Variants in ALS2 observed in about 807,000 individuals in gnomAD.
ALS2 encodes the protein alsin.
In ALS2, 117 loss-of-function variants were observed where a neutral mutation model predicts 203.4. That is an observed-to-expected ratio of 0.58 (90% CI 0.50 to 0.67). The LOEUF is 0.67. Among genes scored for constraint, ALS2 ranks in the 30% least tolerant of loss-of-function variants. The probability of loss-of-function intolerance (pLI) is 0.00; values close to 1 mark genes in which losing one functional copy is unlikely to be tolerated. For missense variants in ALS2, 1,715 were observed against 1,989.4 expected (o/e 0.86, Z 2.62); for synonymous variants, 718 against 725.9 (o/e 0.99, Z 0.17).
chr2:201,751,684 ACTTT>A (rs1380946598), intron 7 of ALS2, among the ~76,000 whole-genome samples: 2 of 152,162 alleles, frequency 1.3e-5, no homozygotes, highest in African/African-American at 2.4e-5. Flanking sequence ...AACATATCTT[ACTTT>A]CTAATTTCCA....
At chr2:201,721,673 T>A (rs981675448) in intron 23 of ALS2, among the ~76,000 whole-genome samples, 1 of 59,574 alleles carries the variant, frequency 1.7e-5, no homozygotes, top group African/African-American at 8.5e-5. Flanking sequence ...AAAACTTTCA[T>A]TTTTTTTTTA....
chr2:201,770,393 GCA>G (rs1329076093), intron 1 of ALS2, among the ~76,000 whole-genome samples: 1 of 152,036 alleles, frequency 6.6e-6, no homozygotes, highest in Non-Finnish European at 1.5e-5. Flanking sequence ...AGATTTTTGA[GCA>G]CAGTTTTCTT....
intron 29 of ALS2, 48 bp downstream of exon 29, chr2:201,706,798 C>T: frequency 6.2e-6 from 10 of 1,605,636 alleles, no homozygotes; most frequent in Non-Finnish European, 7.7e-6. Flanking sequence ...ATGCAGTTTG[C>T]ATTTTAAATT....
chr2:201,772,850 A>ATTTTTTTTTTTTTTT (rs578253808), intron 1 of ALS2, among the ~76,000 whole-genome samples: 1 of 108,846 alleles, frequency 9.2e-6, no homozygotes, highest in Non-Finnish European at 1.7e-5. Flanking sequence ...TGCTTTCATG[A>ATTTTTTTTTTTTTTT]TTTTTTTTTT....
At chr2:201,766,235 A>C (rs78758860) in intron 3 of ALS2, among the ~76,000 whole-genome samples, 2,569 of 152,356 alleles carry the variant, frequency 0.017, 23 homozygotes, top group Non-Finnish European at 0.027. Flanking sequence ...ATTACCATAA[A>C]ATTTTAAAAC....
intron 12 of ALS2, among the ~76,000 whole-genome samples, chr2:201,738,286 G>C (rs1692012506): frequency 6.6e-6 from 1 of 152,170 alleles, no homozygotes; most frequent in Non-Finnish European, 1.5e-5. Context: ...AATGCAAATA[G>C]GTTGTATCTG....
chr2:201,754,822 G>T, intron 5 of ALS2, 151 bp from the exon 6 acceptor site: 1 of 812,204 alleles, frequency 1.2e-6, no homozygotes, highest in Non-Finnish European at 1.9e-6. Context: ...AAGGGGACCT[G>T]TTAGTCAAAT....
intron 3 of ALS2, among the ~76,000 whole-genome samples, chr2:201,764,383 G>C (rs1213682308): frequency 6.6e-6 from 1 of 152,068 alleles, no homozygotes; most frequent in Non-Finnish European, 1.5e-5. Context: ...TGTAATCCCA[G>C]CACTTTGGGA....
chr2:201,768,830 C>T, intron 2 of ALS2, 36 bp downstream of exon 2: 1 of 1,605,382 alleles, frequency 6.2e-7, no homozygotes, highest in Non-Finnish European at 8.5e-7. Flanking sequence ...CTATGTTTTC[C>T]TAGGAGGATA....
chr2:201,732,109 T>C (rs1202729364), intron 13 of ALS2, among the ~76,000 whole-genome samples: 1 of 152,176 alleles, frequency 6.6e-6, no homozygotes, highest in African/African-American at 2.4e-5. Context: ...CAGCTAAAGC[T>C]AGATCAGTTT....
At chr2:201,772,053 A>C (rs1694412539) in intron 1 of ALS2, among the ~76,000 whole-genome samples, 1 of 152,218 alleles carries the variant, frequency 6.6e-6, no homozygotes, top group Non-Finnish European at 1.5e-5. Flanking sequence ...TTCACTTTAA[A>C]GCATACCACT....
Position 201,726,354 on chromosome 2 carries a change from C to T in ALS2, c.3248+130G>A, listed in dbSNP as rs553573510. 3.1e-5 allele frequency: 26 copies of T among 841,062 alleles called. 1 individual carries two copies. In the South Asian group the frequency reaches 3.4e-4, roughly 11 times the overall value. 52.1% of individuals were successfully genotyped at this position (841,062 alleles called of 1,614,324 possible). A position where few individuals can be genotyped will look rare whatever the true frequency, so the allele number is the denominator to read the frequency against. ...ACTCCTGGCTCTCTTCATGCTCATA[C>T]ATGTGCATTTCTAAAAAATAACAAC... On this transcript the variant is annotated intron_variant, in intron 19 of 33. Coordinates refer to ENST00000264276, the MANE Select transcript of ALS2 (RefSeq NM_020919.4).
rs1692280152 is a variant in ALS2, at chr2:201,741,717, C to G, written c.2308G>C (p.Val770Leu). 6.2e-7 allele frequency: 1 copy of G among 1,614,104 alleles called. No homozygotes were observed. The highest frequency in any genetic ancestry group is 2.2e-5 in the East Asian group (1 of 44,864). Residue 770 changes from valine (V) to leucine (L), a missense_variant, in exon 11 of 34, where the codon GTC becomes CTC. Coordinates refer to ENST00000264276, the MANE Select transcript of ALS2 (RefSeq NM_020919.4). ...AAGAGACTTGAATGCTTCAGGATGA[C>G]CAAACTCCTGGCTTCCTTTACCCCA... ...LHGVKEARSL[V>L]ILKHSSLFLD...
chr2:201,723,087 T>C lies in ALS2; in HGVS notation c.3658A>G (p.Ile1220Val), dbSNP rs370591665. The change falls in exon 23 of 34, where the codon ATC becomes GTC. Residue 1220 changes from isoleucine (I) to valine (V), a missense_variant. Coordinates refer to ENST00000264276, the MANE Select transcript of ALS2 (RefSeq NM_020919.4). ...NGVLLSEDDT[I>V]YEGEFSDDWT... is the part of the protein sequence containing the mutation. ...TCATCTGAAAATTCTCCTTCATAGA[T>C]AGTATCATCTTCGGAAAGCAAAACC... 3.5e-5 allele frequency: 57 copies of C among 1,613,612 alleles called. No homozygotes were observed. Among genetic ancestry groups the C allele is most frequent in the Non-Finnish European group, 4.2e-5 (50 of 1,179,728 alleles).
intron 9 of ALS2, among the ~76,000 whole-genome samples, chr2:201,745,419 A>T (rs924845362): frequency 6.6e-6 from 1 of 152,158 alleles, no homozygotes; most frequent in African/African-American, 2.4e-5. Flanking sequence ...AAACAAACAC[A>T]AAGACTAAAA....
At chr2:201,743,070 CAAAA>C (rs760707229) in intron 10 of ALS2, among the ~76,000 whole-genome samples, 2 of 114,780 alleles carry the variant, frequency 1.7e-5, no homozygotes, top group Non-Finnish European at 1.7e-5. Flanking sequence ...GACTCTGTCT[CAAAA>C]AAAAAAAAAA....
intron 27 of ALS2, among the ~76,000 whole-genome samples, chr2:201,708,605 C>T (rs560238962): frequency 6.6e-6 from 1 of 152,140 alleles, no homozygotes; most frequent in African/African-American, 2.4e-5. Flanking sequence ...CTGTACTCAA[C>T]CTAAAATTTA....
chr2:201,756,028 C>T (rs891901331), intron 5 of ALS2, among the ~76,000 whole-genome samples: 4 of 152,020 alleles, frequency 2.6e-5, no homozygotes, highest in African/African-American at 9.7e-5. Context: ...AGGATGTACT[C>T]CAGATAATTC....
Position 201,741,765 on chromosome 2 carries a change from C to T in ALS2, c.2260G>A (p.Ala754Thr), listed in dbSNP as rs772962999. Residue 754 changes from alanine to threonine, a missense_variant, in exon 11 of 34, where the codon GCC (alanine) becomes ACC (threonine). By Grantham distance (58) the Ala-to-Thr change is moderately conservative (BLOSUM62 0). Coordinates refer to ENST00000264276, the MANE Select transcript of ALS2 (RefSeq NM_020919.4). ...CCATGAAGGAAGCTGCTCAATGAGG[C>T]TCCATGCTGACCAATGAGGTAACAC... ...KLCYLIGQHGASLSSFLHGVK... is the reference protein window; with the variant it reads ...KLCYLIGQHGTSLSSFLHGVK... The T allele has an allele frequency of 6.2e-7, 1 of 1,614,140 alleles. No homozygotes were observed. Among genetic ancestry groups the T allele is most frequent in the Non-Finnish European group, 8.5e-7 (1 of 1,180,016 alleles).
Sources: allele counts gnomAD v4.1 joint callset (sites outside exome capture counted in the v4.1 genomes callset), GRCh38; gene constraint gnomAD v4.1.1; transcripts MANE v1.5; gene names NCBI Gene and HGNC (gene_info 2026-07-23, HGNC 2026-07-21).